SLC16A7: variants seen among roughly 807,000 people sequenced by gnomAD.
SLC16A7 encodes the protein solute carrier family 16 member 7, also known as monocarboxylate transporter 2.
In SLC16A7, 33 loss-of-function variants were observed where a neutral mutation model predicts 34.9. That is an observed-to-expected ratio of 0.94 (90% CI 0.72 to 1.26). SLC16A7 has a LOEUF of 1.26. Among genes scored for constraint, SLC16A7 ranks in the 50% most tolerant of loss-of-function variants. The pLI is 0.00. For synonymous variants in SLC16A7, 201 were observed against 206.6 expected, an observed-to-expected ratio of 0.97 and a Z score of 0.23; for missense variants, 573 against 578.1, an observed-to-expected ratio of 0.99 and a Z score of 0.09.
intron 2 of SLC16A7, among the ~76,000 whole-genome samples, chr12:59,667,518 C>T (rs1242329075): frequency 1.3e-5 from 2 of 152,128 alleles, no homozygotes; most frequent in African/African-American, 4.8e-5. Flanking sequence ...AGCATTTTTC[C>T]TCTGCCTTAG....
chr12:59,678,024 C>T (rs561208107), intron 2 of SLC16A7, among the ~76,000 whole-genome samples: 2 of 152,268 alleles, frequency 1.3e-5, no homozygotes, highest in Non-Finnish European at 2.9e-5. Flanking sequence ...TCACACCTGC[C>T]AAGGGTGAGC....
chr12:59,688,428 A>G (rs112629456), intron 2 of SLC16A7, among the ~76,000 whole-genome samples: 5,572 of 152,208 alleles, frequency 0.037, 135 homozygotes, highest in Non-Finnish European at 0.052. Flanking sequence ...GGTAGACTTT[A>G]AGACTTTGAA....
intron 1 of SLC16A7, among the ~76,000 whole-genome samples, chr12:59,628,064 T>C (rs1425362460): frequency 1.3e-5 from 2 of 151,840 alleles, no homozygotes; most frequent in East Asian, 3.9e-4. Context: ...ATCCAACATC[T>C]TTCCACTGTT....
intron 2 of SLC16A7, among the ~76,000 whole-genome samples, chr12:59,672,022 TGTATATATCGCATATATCC>T (rs1303170641): frequency 0.21 from 5 of 24 alleles, no homozygotes; most frequent in African/African-American, 0.31. Flanking sequence ...CGTATATATG[TGTATATATCGCATATATCC>T]GTATATATGT....
chr12:59,739,055 A>G lies in SLC16A7; in HGVS notation c.218-32164A>G, dbSNP rs1592610920. The stretch of plus-strand genomic sequence containing the variant: ...TTATTTATTTATTTATTTTATTATT[A>G]TTATACTTTAAGTTTTAGGGTACAT... On this transcript the variant is annotated intron_variant, in intron 3 of 5. Coordinates refer to ENST00000547379, the MANE Select transcript of SLC16A7 (RefSeq NM_001270623.2). 2.7e-5 allele frequency among the ~76,000 whole-genome samples: 4 copies of G among 148,634 alleles called. No individual in the cohort carries two copies. The East Asian group carries it at 7.8e-4, about 29-fold the overall frequency.
intron 4 of SLC16A7, among the ~76,000 whole-genome samples, chr12:59,774,261 C>T (rs1264035927): frequency 6.6e-6 from 1 of 152,076 alleles, no homozygotes. Flanking sequence ...TGCCCTCTTG[C>T]TCACAAGGAA....
intron 2 of SLC16A7, among the ~76,000 whole-genome samples, chr12:59,669,652 TCACA>T (rs144456899): frequency 3.1e-3 from 427 of 139,596 alleles, no homozygotes; most frequent in Non-Finnish European, 4.4e-3. Flanking sequence ...CCATAGATAG[TCACA>T]CACACACACA....
intron 3 of SLC16A7, among the ~76,000 whole-genome samples, chr12:59,717,991 A>G (rs951747541): frequency 3.9e-5 from 6 of 152,204 alleles, no homozygotes; most frequent in Admixed American, 3.9e-4. Context: ...TAATAGTGTC[A>G]GAAAAATACA....
At chr12:59,635,441 A>G (rs1260692326) in intron 1 of SLC16A7, among the ~76,000 whole-genome samples, 10 of 152,070 alleles carry the variant, frequency 6.6e-5, no homozygotes. Context: ...AAATCATGCA[A>G]TGCAATAAAT....
chr12:59,725,796 C>A (rs577477060), intron 3 of SLC16A7, among the ~76,000 whole-genome samples: 16 of 152,086 alleles, frequency 1.1e-4, no homozygotes, highest in Non-Finnish European at 2.9e-5. Context: ...TCTTAATCAC[C>A]GCTCATAAAT....
intron 1 of SLC16A7, among the ~76,000 whole-genome samples, chr12:59,597,903 A>T (rs745839831): frequency 1.3e-5 from 2 of 152,230 alleles, no homozygotes; most frequent in Non-Finnish European, 2.9e-5. Context: ...AAGTGATCTG[A>T]AATTTTAACA....
intron 1 of SLC16A7, among the ~76,000 whole-genome samples, chr12:59,611,229 G>C (rs1476904269): frequency 1.3e-5 from 2 of 152,304 alleles, no homozygotes; most frequent in Non-Finnish European, 2.9e-5. Flanking sequence ...GTTCTGCATG[G>C]CTGGAGAGGA....
intron 3 of SLC16A7, among the ~76,000 whole-genome samples, chr12:59,708,749 G>A (rs1393927718): frequency 6.6e-6 from 1 of 151,572 alleles, no homozygotes; most frequent in South Asian, 2.1e-4. Context: ...GTCTCTTGTA[G>A]TAATTAGTTG....
intron 3 of SLC16A7, among the ~76,000 whole-genome samples, chr12:59,766,649 G>T (rs1469409164): frequency 2.0e-5 from 3 of 152,096 alleles, no homozygotes; most frequent in Admixed American, 6.6e-5. Context: ...GTTTTTGTAT[G>T]TTGAACCAGC....
intron 1 of SLC16A7, among the ~76,000 whole-genome samples, chr12:59,611,301 G>A (rs1467386743): frequency 2.6e-5 from 4 of 152,190 alleles, no homozygotes; most frequent in Admixed American, 2.0e-4. Flanking sequence ...TCACATGGCA[G>A]CAGGAGAGAG....
At chr12:59,641,004 A>T (rs190008911) in intron 1 of SLC16A7, among the ~76,000 whole-genome samples, 346 of 152,126 alleles carry the variant, frequency 2.3e-3, no homozygotes, top group Non-Finnish European at 2.9e-3. Context: ...GAAAATTAAA[A>T]ATATATATAT....
intron 3 of SLC16A7, among the ~76,000 whole-genome samples, chr12:59,728,026 T>A (rs1322135999): frequency 2.6e-5 from 4 of 151,678 alleles, no homozygotes; most frequent in Admixed American, 6.6e-5. Flanking sequence ...TATGAAGAGG[T>A]GAGTAGAGAC....
At chr12:59,631,328 C>T (rs1022806644) in intron 1 of SLC16A7, among the ~76,000 whole-genome samples, 3 of 151,900 alleles carry the variant, frequency 2.0e-5, no homozygotes, top group Non-Finnish European at 4.4e-5. Context: ...AGACAAACCT[C>T]AAACATTCTG....
chr12:59,640,882 G>T (rs1880653358), intron 1 of SLC16A7, among the ~76,000 whole-genome samples: 1 of 151,946 alleles, frequency 6.6e-6, no homozygotes, highest in Admixed American at 6.6e-5. Context: ...AACTAATATT[G>T]TGTAGGTTTT....
Sources: allele counts gnomAD v4.1 joint callset (sites outside exome capture counted in the v4.1 genomes callset), GRCh38; gene constraint gnomAD v4.1.1; transcripts MANE v1.5; gene names NCBI Gene and HGNC (gene_info 2026-07-23, HGNC 2026-07-21).